The following GPATCH1 variants were observed in gnomAD, a reference collection of about 807,000 sequenced individuals.
The protein encoded by GPATCH1 is G patch domain-containing protein 1.
Under a neutral mutation model 114.9 loss-of-function variants are expected in GPATCH1, and 73 were observed. The observed-to-expected ratio is 0.64, with a 90% CI of 0.53 to 0.77. The LOEUF (loss-of-function observed/expected upper bound fraction) is 0.77, where lower values mean the gene tolerates loss of function less well. Ranked by LOEUF, GPATCH1 falls within the 30% of genes least tolerant of loss-of-function variation. The probability of loss-of-function intolerance (pLI) is 0.00; values close to 1 mark genes in which losing one functional copy is unlikely to be tolerated. For missense variants in GPATCH1, 1,058 were observed against 1,144.3 expected (o/e 0.92, Z 1.09); for synonymous variants, 391 against 428.4 (o/e 0.91, Z 1.08).
chr19:33,098,576 C>A (rs1488095871), intron 8 of GPATCH1, among the ~76,000 whole-genome samples: 1 of 152,174 alleles, frequency 6.6e-6, no homozygotes, highest in Non-Finnish European at 1.5e-5. Flanking sequence ...GATGCCAGCT[C>A]TCCATTGCCC....
intron 15 of GPATCH1, among the ~76,000 whole-genome samples, chr19:33,117,205 C>G (rs965907894): frequency 6.6e-6 from 1 of 152,002 alleles, no homozygotes; most frequent in Non-Finnish European, 1.5e-5. Context: ...CAAAAAACCC[C>G]AAAACAAATT....
intron 1 of GPATCH1, among the ~76,000 whole-genome samples, chr19:33,086,143 A>C (rs1305078636): frequency 6.6e-6 from 1 of 152,236 alleles, no homozygotes; most frequent in Non-Finnish European, 1.5e-5. Context: ...CTCCAGCACA[A>C]AATATGCTGA....
chr19:33,089,208 T>A (rs1353348844), intron 2 of GPATCH1, among the ~76,000 whole-genome samples: 1 of 151,842 alleles, frequency 6.6e-6, no homozygotes, highest in African/African-American at 2.4e-5. Context: ...CGTGACTGAG[T>A]GAGTGAGGAG....
At chr19:33,084,061 C>T (rs10414826) in intron 1 of GPATCH1, among the ~76,000 whole-genome samples, 2,057 of 151,868 alleles carry the variant, frequency 0.014, 30 homozygotes, top group African/African-American at 0.048. Flanking sequence ...CTGCCTGCCT[C>T]GGCCTCCCAA....
rs535591203 is a variant in GPATCH1, at chr19:33,081,198, C to T, written c.5C>T (p.Ala2Val). M[A>V]ARDSDSEEDL... Reference sequence around the variant, plus strand: ...GGCGGGGCCCGGAAGAGCAGGATGGCGGCGCGGGACAGTGACAGCGAAGAA... The same window carrying T: ...GGCGGGGCCCGGAAGAGCAGGATGGTGGCGCGGGACAGTGACAGCGAAGAA... Residue 2 changes from alanine to valine, a missense_variant, in exon 1 of 20, where the codon GCG becomes GTG. By Grantham distance (64) the Ala-to-Val change is moderately conservative. Around this residue, in one of 3 missense-constraint regions of GPATCH1, gnomAD observed 131 missense variants for 107.2 expected, o/e 1.22. Transcript: ENST00000170564. 1 of 1,551,130 alleles carries T rather than the reference C, an allele frequency of 6.4e-7. No individual in the cohort carries two copies. Among genetic ancestry groups the T allele is most frequent in the Non-Finnish European group, 8.7e-7 (1 of 1,146,780 alleles).
At chr19:33,116,684 C>T (rs370479447) in intron 15 of GPATCH1, among the ~76,000 whole-genome samples, 3,026 of 152,252 alleles carry the variant, frequency 0.02, 85 homozygotes, top group African/African-American at 0.07. Context: ...CGCCCGCCAC[C>T]ACGCCTGGCT....
intron 5 of GPATCH1, among the ~76,000 whole-genome samples, 197 bp from the exon 6 acceptor site, chr19:33,095,565 T>A (rs1972647612): frequency 6.6e-6 from 1 of 151,788 alleles, no homozygotes; most frequent in African/African-American, 2.4e-5. Context: ...GCCCAGCCTT[T>A]TTTTTTTTAA....
At chr19:33,103,647 G>A (rs1359026319) in intron 9 of GPATCH1, among the ~76,000 whole-genome samples, 1 of 152,116 alleles carries the variant, frequency 6.6e-6, no homozygotes, top group African/African-American at 2.4e-5. Context: ...GTTGCAGTGA[G>A]CCAAGATTGT....
intron 13 of GPATCH1, 157 bp from the exon 14 acceptor site, chr19:33,113,610 A>T (rs1972882033): frequency 3.4e-6 from 2 of 588,186 alleles, no homozygotes; most frequent in Non-Finnish European, 6.1e-6. Flanking sequence ...ACCTAAAATC[A>T]GTCACCCAGA....
chr19:33,109,672 G>T, intron 10 of GPATCH1, 45 bp from the exon 11 acceptor site: 1 of 1,247,824 alleles, frequency 8.0e-7, no homozygotes, highest in Non-Finnish European at 1.1e-6. Flanking sequence ...AAATGTGGTT[G>T]TCTCATGGCT....
intron 9 of GPATCH1, among the ~76,000 whole-genome samples, chr19:33,102,397 ATT>A (rs35403942): frequency 8.1e-5 from 11 of 135,226 alleles, no homozygotes; most frequent in Admixed American, 7.7e-5. Context: ...TCTAATTTCT[ATT>A]TTTTTTTTTT....
rs1448833994 is a variant in GPATCH1, at chr19:33,121,315, CTTTTCT to C, written c.2521+2203_2521+2208del. 5.6e-3 allele frequency among the ~76,000 whole-genome samples: 754 copies of C among 134,496 alleles called. 4 individuals are homozygous for C. The highest frequency in any genetic ancestry group is 0.022 in the African/African-American group (719 of 33,240). 88.2% of individuals were successfully genotyped at this position (134,496 alleles called of 152,430 possible). The stretch of plus-strand genomic sequence containing the variant: ...TTTTTTGTCTTTTTCTTTTTCTTTT[CTTTTCT>C]TTTTTTTTTTTTTTTGAGATGGAGT... On this transcript the variant is annotated intron_variant, in intron 17 of 19. Transcript: ENST00000170564.
At chr19:33,083,382 C>T (rs1439545831) in intron 1 of GPATCH1, among the ~76,000 whole-genome samples, 1 of 151,250 alleles carries the variant, frequency 6.6e-6, no homozygotes, top group Non-Finnish European at 1.5e-5. Context: ...ACGCCTGGCC[C>T]CAACCATGTT....
At chr19:33,104,067 C>T (rs571593868) in intron 9 of GPATCH1, among the ~76,000 whole-genome samples, 8 of 152,018 alleles carry the variant, frequency 5.3e-5, no homozygotes, top group Middle Eastern at 3.4e-3. Flanking sequence ...TGGTGGCTTA[C>T]GCCTGTAATC....
chr19:33,127,087 A>G (rs1384845431), intron 19 of GPATCH1, among the ~76,000 whole-genome samples: 3 of 152,128 alleles, frequency 2.0e-5, no homozygotes, highest in Non-Finnish European at 4.4e-5. Flanking sequence ...GTGAGCCACT[A>G]TCGTACCACT....
chr19:33,095,325 C>T (rs1325690323), intron 5 of GPATCH1, among the ~76,000 whole-genome samples: 4 of 145,918 alleles, frequency 2.7e-5, no homozygotes, highest in South Asian at 2.2e-4. Context: ...GTACAATGCG[C>T]GATCTCGGCT....
chr19:33,106,998 A>AT, intron 10 of GPATCH1, 99 bp downstream of exon 10: 1 of 864,142 alleles, frequency 1.2e-6, no homozygotes, highest in Non-Finnish European at 1.9e-6. Flanking sequence ...TTTTACATGA[A>AT]TTTGTATTCC....
In GPATCH1 at chr19:33,101,492, T is replaced by C. The variant is rs989594003; in HGVS notation, c.1001-3T>C. The C allele has an allele frequency of 1.3e-5, 20 of 1,534,134 alleles. No homozygotes were observed. The highest frequency in any genetic ancestry group is 1.7e-5 in the Non-Finnish European group (19 of 1,107,414). On this transcript the variant is annotated splice_polypyrimidine_tract_variant and splice_region_variant and intron_variant, in intron 8 of 19. Coordinates refer to ENST00000170564, the MANE Select transcript of GPATCH1 (RefSeq NM_018025.3). Reference sequence around the variant, plus strand: ...GGAATTAATCTATGACATCATTTTGTAGAATCAGAGAAAGACCTTCGGTAC... The same window carrying C: ...GGAATTAATCTATGACATCATTTTGCAGAATCAGAGAAAGACCTTCGGTAC...
intron 9 of GPATCH1, among the ~76,000 whole-genome samples, chr19:33,103,357 G>A (rs1972747985): frequency 6.6e-6 from 1 of 152,110 alleles, no homozygotes; most frequent in Non-Finnish European, 1.5e-5. Flanking sequence ...ATTATTACCA[G>A]AAATGTCAAA....
Sources: allele counts gnomAD v4.1 joint callset (sites outside exome capture counted in the v4.1 genomes callset), GRCh38; gene constraint gnomAD v4.1.1; regional missense constraint gnomAD v4.1.1; transcripts MANE v1.5; gene names NCBI Gene and HGNC (gene_info 2026-07-23, HGNC 2026-07-21).